USP31: variants seen among roughly 807,000 people sequenced by gnomAD.
The protein encoded by USP31 is ubiquitin specific peptidase 31, also known as ubiquitin carboxyl-terminal hydrolase 31.
In USP31, 44 loss-of-function variants were observed where a neutral mutation model predicts 119.4. The observed-to-expected ratio is 0.37, with a 90% confidence interval of 0.29 to 0.47. USP31 has a LOEUF of 0.47. USP31 is among the 20% of genes least tolerant of loss of function. The probability of loss-of-function intolerance (pLI) is 0.99; values close to 1 mark genes in which losing one functional copy is unlikely to be tolerated. For missense variants in USP31, 1,643 were observed against 1,730.2 expected, an observed-to-expected ratio of 0.95 and a Z score of 0.89; for synonymous variants, 749 against 705.6, an observed-to-expected ratio of 1.06 and a Z score of -0.97.
At chr16:23,102,491 G>A (rs781188258) in intron 5 of USP31, 28 bp from the exon 6 acceptor site, 1 of 1,591,240 alleles carries the variant, frequency 6.3e-7, no homozygotes. Context: ...GTAAACAGGT[G>A]GGTAACTGGA....
In USP31 at chr16:23,102,341, A is replaced by G. The variant is rs1901913372; in HGVS notation, c.1212T>C (p.Pro404=). ...TACCTCTTTGACTGAGAATTCCTTC[A>G]GGCCTAAATATTTCGGGAGTCTCAA... ...FAFETPEIFR[P]EGILSQRGIH... is the part of the protein sequence containing the mutation. Residue 404 remains proline (P), a synonymous_variant, in exon 6 of 16, where the codon CCT becomes CCC. Coordinates refer to ENST00000219689, the MANE Select transcript of USP31 (RefSeq NM_020718.4). 6.2e-7 allele frequency: 1 copy of G among 1,613,658 alleles called. No homozygotes were observed. Among genetic ancestry groups the G allele is most frequent in the African/African-American group, 1.3e-5 (1 of 74,926 alleles).
intron 7 of USP31, among the ~76,000 whole-genome samples, chr16:23,088,077 C>T (rs1901190985): frequency 6.6e-6 from 1 of 152,126 alleles, no homozygotes; most frequent in South Asian, 2.1e-4. Flanking sequence ...GGTGCTAGGA[C>T]AGCAGGTGGC....
At chr16:23,094,504 A>T (rs1901514383) in intron 6 of USP31, among the ~76,000 whole-genome samples, 1 of 152,236 alleles carries the variant, frequency 6.6e-6, no homozygotes, top group Non-Finnish European at 1.5e-5. Context: ...TGGTTCTCCC[A>T]GCATGGCATT....
At chr16:23,105,772 A>G (rs1388953564) in intron 4 of USP31, among the ~76,000 whole-genome samples, 196 bp from the exon 5 acceptor site, 2 of 152,248 alleles carry the variant, frequency 1.3e-5, no homozygotes, top group Admixed American at 1.3e-4. Flanking sequence ...GGAAAAGGCA[A>G]TCTTCATAAA....
intron 1 of USP31, among the ~76,000 whole-genome samples, chr16:23,113,664 G>C (rs1047828655): frequency 3.3e-5 from 5 of 152,206 alleles, no homozygotes; most frequent in Admixed American, 1.3e-4. Flanking sequence ...GGGTTTGAAT[G>C]ACTGCCAGAG....
intron 1 of USP31, among the ~76,000 whole-genome samples, chr16:23,118,097 A>T (rs1045142150): frequency 3.3e-5 from 5 of 151,964 alleles, no homozygotes; most frequent in African/African-American, 1.2e-4. Flanking sequence ...ACTTTCTACC[A>T]TTTTTTACTT....
chr16:23,138,570 C>T (rs952445834), intron 1 of USP31, among the ~76,000 whole-genome samples: 3 of 152,206 alleles, frequency 2.0e-5, no homozygotes, highest in African/African-American at 7.2e-5. Flanking sequence ...CATTCTGCAA[C>T]ATGGCACCGA....
intron 1 of USP31, among the ~76,000 whole-genome samples, chr16:23,144,785 G>C (rs142357477): frequency 6.6e-6 from 1 of 152,214 alleles, no homozygotes; most frequent in Non-Finnish European, 1.5e-5. Context: ...TCCTGCCTTA[G>C]CATTCAACTT....
chr16:23,072,850 T>C (rs1900402669), intron 14 of USP31, among the ~76,000 whole-genome samples: 2 of 151,978 alleles, frequency 1.3e-5, no homozygotes, highest in South Asian at 4.1e-4. Context: ...GGAAGAGCAC[T>C]GGAGTTCCCG....
rs376807590 is a variant in USP31, at chr16:23,068,143, G to A, written c.3962C>T (p.Pro1321Leu). The A allele has an allele frequency of 6.2e-6, 10 of 1,614,198 alleles. No individual in the cohort carries two copies. The highest frequency in any genetic ancestry group is 6.8e-6 in the Non-Finnish European group (8 of 1,180,042). The change falls in exon 16 of 16, where the codon CCC (proline) becomes CTC (leucine). Residue 1321 changes from proline (P) to leucine (L), a missense_variant. By Grantham distance (98) the Pro-to-Leu change is moderately conservative. Around this residue, in one of 5 missense-constraint regions of USP31, gnomAD observed 699 missense variants for 650.9 expected, o/e 1.07. Transcript: ENST00000219689. The part of the protein sequence containing the change: ...SKSSQLDSGV[P>L]SSPGGRQSAE... ...AGACTGCCTGCCACCCGGAGACGAG[G>A]GAACTCCAGAGTCTAGTTGGGAAGA... is the stretch of plus-strand genomic sequence containing the variant.
At position 23,103,196 on chromosome 16, in the gene USP31, C is replaced by T. The variant is rs542507322; in HGVS notation, c.1090-733G>A. On this transcript the variant is annotated intron_variant, in intron 5 of 15. Transcript: ENST00000219689. ...AAGAGACTTGCCTAAAGTTCTACAACGATTCAGCCTCATGTCAAGGACAGA... is the reference window on the plus strand; with the variant it reads ...AAGAGACTTGCCTAAAGTTCTACAATGATTCAGCCTCATGTCAAGGACAGA... Among the ~76,000 whole-genome samples the T allele has an allele frequency of 5.3e-4, 81 of 152,232 alleles. 1 individual carries two copies. The highest frequency in any genetic ancestry group is 3.3e-4 in the Admixed American group (5 of 15,300).
chr16:23,134,021 G>A (rs2141898121), intron 1 of USP31, among the ~76,000 whole-genome samples: 1 of 152,120 alleles, frequency 6.6e-6, no homozygotes, highest in Admixed American at 6.6e-5. Context: ...AGGCTGCAGT[G>A]AGCCAATATC....
rs754561907 is a variant in USP31, at chr16:23,069,213, A to T, written c.2892T>A (p.Asp964Glu). The T allele has an allele frequency of 6.2e-7, 1 of 1,614,202 alleles. No homozygotes were observed. Among genetic ancestry groups the T allele is most frequent in the South Asian group, 1.1e-5 (1 of 91,084 alleles). The change falls in exon 16 of 16, where the codon GAT becomes GAA. Residue 964 changes from aspartate (D) to glutamate (E), a missense_variant. Physicochemically the swap from Asp to Glu is conservative, Grantham distance 45 (BLOSUM62 2). Coordinates refer to ENST00000219689, the MANE Select transcript of USP31 (RefSeq NM_020718.4). The part of the protein sequence containing the change: ...DTRRLNSSVV[D>E]TQSKHSAQGD... ...CTTGTGCTGAATGTTTGCTCTGTGT[A>T]TCTACGACACTGGAGTTCAATCTGC...
chr16:23,106,625 T>C (rs1305060019), intron 2 of USP31, 138 bp from the exon 3 acceptor site: 2 of 849,086 alleles, frequency 2.4e-6, no homozygotes, highest in Non-Finnish European at 3.6e-6. Flanking sequence ...GACGGGCACC[T>C]GCTAAAGGAG....
chr16:23,130,501 GGGCTAGAA>G (rs1339141120), intron 1 of USP31, among the ~76,000 whole-genome samples: 1 of 152,058 alleles, frequency 6.6e-6, no homozygotes, highest in Non-Finnish European at 1.5e-5. Context: ...AACAGCGGAG[GGGCTAGAA>G]GGCTACTGCA....
intron 14 of USP31, 77 bp from the exon 15 acceptor site, chr16:23,072,274 G>C (rs2141829614): frequency 3.9e-6 from 6 of 1,541,834 alleles, no homozygotes; most frequent in Non-Finnish European, 5.2e-6. Flanking sequence ...CCCTCATGAA[G>C]GTGTTACGAG....
intron 7 of USP31, among the ~76,000 whole-genome samples, chr16:23,090,145 G>A (rs1185055954): frequency 6.6e-6 from 1 of 152,152 alleles, no homozygotes; most frequent in Non-Finnish European, 1.5e-5. Context: ...AGCACTTTGG[G>A]AGGCCAAGGC....
At chr16:23,112,276 A>T (rs952695284) in intron 1 of USP31, among the ~76,000 whole-genome samples, 1 of 152,184 alleles carries the variant, frequency 6.6e-6, no homozygotes, top group Admixed American at 6.5e-5. Flanking sequence ...ATCTCCCTTT[A>T]GCATTATATA....
At chr16:23,078,653 C>T (rs1267366967) in intron 13 of USP31, among the ~76,000 whole-genome samples, 5 of 152,170 alleles carry the variant, frequency 3.3e-5, no homozygotes, top group African/African-American at 1.2e-4. Context: ...TCTCCCTCTA[C>T]TTGATTACAC....
Sources: allele counts gnomAD v4.1 joint callset (sites outside exome capture counted in the v4.1 genomes callset), GRCh38; gene constraint gnomAD v4.1.1; regional missense constraint gnomAD v4.1.1; transcripts MANE v1.5; gene names NCBI Gene and HGNC (gene_info 2026-07-23, HGNC 2026-07-21).